MYLK: variants seen among roughly 807,000 people sequenced by gnomAD.
MYLK encodes the protein myosin light chain kinase, smooth muscle.
MYLK carries 106 observed loss-of-function variants against 203.4 expected under a neutral mutation model. The ratio of observed to expected loss-of-function variants is 0.52; its 90% confidence interval spans 0.45 to 0.61. MYLK has a LOEUF of 0.61. Ranked by LOEUF, MYLK falls within the 20% of genes least tolerant of loss-of-function variation. MYLK has a pLI of 0.00. For synonymous variants in MYLK, 867 were observed against 959.5 expected (o/e 0.90, Z 1.78); for missense variants, 2,072 against 2,442.3 (o/e 0.85, Z 3.20).
intron 2 of MYLK, among the ~76,000 whole-genome samples, chr3:123,869,120 T>TA (rs1307253021): frequency 6.6e-6 from 1 of 152,220 alleles, no homozygotes; most frequent in South Asian, 2.1e-4. Context: ...CTAGGAGCTG[T>TA]AGTGCCCTTA....
intron 4 of MYLK, among the ~76,000 whole-genome samples, chr3:123,768,865 G>T (rs1400354597): frequency 6.6e-6 from 1 of 152,180 alleles, no homozygotes; most frequent in Non-Finnish European, 1.5e-5. Flanking sequence ...AGCCAAGCGA[G>T]GAGCAATTCC....
At position 123,611,886 on chromosome 3, in the gene MYLK, G is replaced by A. The variant is rs1379790660; in HGVS notation, c.*2219C>T. 1 of 152,324 alleles carries A rather than the reference G, an allele frequency of 6.6e-6. No individual in the cohort carries two copies. Among genetic ancestry groups the A allele is most frequent in the Admixed American group, 6.5e-5 (1 of 15,268 alleles). 9.4% of individuals were successfully genotyped at this position (152,324 alleles called of 1,614,324 possible). A position where few individuals can be genotyped will look rare whatever the true frequency, so the allele number is the denominator to read the frequency against. On this transcript the variant is annotated 3_prime_UTR_variant, in exon 34 of 34. Coordinates refer to ENST00000360304, the MANE Select transcript of MYLK (RefSeq NM_053025.4). Reference sequence around the variant, plus strand: ...GAGTTCGTTCCTGAGAGAACCTGATGCTGCCGCTGATCTGACAGGAGGCAG... The same window carrying A: ...GAGTTCGTTCCTGAGAGAACCTGATACTGCCGCTGATCTGACAGGAGGCAG...
In MYLK at chr3:123,872,786, T is replaced by C. The variant is rs374628710; in HGVS notation, c.-127+3773A>G. 2.6e-5 allele frequency among the ~76,000 whole-genome samples: 4 copies of C among 152,260 alleles called. No homozygotes were observed. In the South Asian group the frequency reaches 8.3e-4, roughly 32 times the overall value. On this transcript the variant is annotated intron_variant, in intron 2 of 33. Transcript: ENST00000360304. ...CCAAAGCTCTCCAAACCCCTTTGAT[T>C]AGGAGTTTTTATGGAGGTTCCGTTA...
chr3:123,822,819 C>G (rs1420643590), intron 3 of MYLK, among the ~76,000 whole-genome samples: 2 of 152,188 alleles, frequency 1.3e-5, no homozygotes, highest in African/African-American at 4.8e-5. Flanking sequence ...CCCACACCCA[C>G]CCAATACACA....
At chr3:123,881,616 C>G (rs72974262) in intron 1 of MYLK, among the ~76,000 whole-genome samples, 14,745 of 152,024 alleles carry the variant, frequency 0.097, 1,122 homozygotes, top group East Asian at 0.36. Flanking sequence ...GTACCCATGT[C>G]CCCAAGCAAG....
At chr3:123,861,511 T>C (rs997851469) in intron 2 of MYLK, among the ~76,000 whole-genome samples, 4 of 152,264 alleles carry the variant, frequency 2.6e-5, no homozygotes, top group Non-Finnish European at 5.9e-5. Flanking sequence ...GAGAAGGTAC[T>C]GGAGCTGGAG....
chr3:123,645,430 T>C (rs2058981805), intron 27 of MYLK, among the ~76,000 whole-genome samples: 1 of 152,224 alleles, frequency 6.6e-6, no homozygotes, highest in South Asian at 2.1e-4. Context: ...CACTCATATC[T>C]ACAGCTTGGG....
chr3:123,784,890 G>T (rs1473956133), intron 4 of MYLK, among the ~76,000 whole-genome samples: 1 of 152,178 alleles, frequency 6.6e-6, no homozygotes, highest in Non-Finnish European at 1.5e-5. Context: ...TAGAGGACTT[G>T]GTCATAGTCA....
At chr3:123,756,136 T>C (rs2063351499) in intron 4 of MYLK, among the ~76,000 whole-genome samples, 1 of 152,198 alleles carries the variant, frequency 6.6e-6, no homozygotes, top group South Asian at 2.1e-4. Flanking sequence ...TAATTTTGGT[T>C]TCCAGGTTGA....
chr3:123,731,952 T>C (rs916493010), intron 11 of MYLK, among the ~76,000 whole-genome samples: 63 of 151,994 alleles, frequency 4.1e-4, no homozygotes, highest in African/African-American at 1.5e-3. Flanking sequence ...TTGTTGATGT[T>C]ACTATATACC....
At chr3:123,676,998 A>G (rs1265878749) in intron 20 of MYLK, among the ~76,000 whole-genome samples, 1 of 152,208 alleles carries the variant, frequency 6.6e-6, no homozygotes, top group African/African-American at 2.4e-5. Flanking sequence ...TTACACAGCC[A>G]GCATGCTTGT....
At chr3:123,817,727 G>C (rs923378591) in intron 3 of MYLK, among the ~76,000 whole-genome samples, 2 of 152,270 alleles carry the variant, frequency 1.3e-5, no homozygotes. Context: ...CTGATAGCGG[G>C]TAAGGAACCA....
chr3:123,874,675 G>A (rs2033033098), intron 2 of MYLK, among the ~76,000 whole-genome samples: 1 of 152,026 alleles, frequency 6.6e-6, no homozygotes, highest in Admixed American at 6.6e-5. Context: ...GCAGTAACAG[G>A]CATTGTTAAA....
chr3:123,790,644 G>C (rs2064743374), intron 4 of MYLK, among the ~76,000 whole-genome samples: 1 of 152,170 alleles, frequency 6.6e-6, no homozygotes, highest in Non-Finnish European at 1.5e-5. Flanking sequence ...AAAGGAAATG[G>C]GGCAGAGTAG....
intron 4 of MYLK, among the ~76,000 whole-genome samples, chr3:123,789,659 CAAAAAAAA>C (rs745766578): frequency 1.3e-5 from 1 of 78,718 alleles, no homozygotes; most frequent in African/African-American, 4.7e-5. Flanking sequence ...GCTGGCAAAG[CAAAAAAAA>C]AAAAAAAAAA....
At chr3:123,735,610 T>C in intron 8 of MYLK, 194 bp from the exon 9 acceptor site, 1 of 624,418 alleles carries the variant, frequency 1.6e-6, no homozygotes, top group Non-Finnish European at 2.9e-6. Context: ...GTTCTGTCCT[T>C]TGGGCTTCTT....
intron 16 of MYLK, among the ~76,000 whole-genome samples, chr3:123,703,820 G>A (rs576712833): frequency 1.1e-4 from 16 of 152,340 alleles, no homozygotes; most frequent in African/African-American, 3.8e-4. Context: ...TGTTTGCCTG[G>A]CAGCCCTTTC....
intron 2 of MYLK, among the ~76,000 whole-genome samples, chr3:123,832,233 C>CACCAAG (rs1262193487): frequency 1.3e-4 from 20 of 152,228 alleles, no homozygotes; most frequent in Non-Finnish European, 5.9e-5. Flanking sequence ...CCCAGCACCA[C>CACCAAG]ACCAAGGTGG....
intron 13 of MYLK, among the ~76,000 whole-genome samples, chr3:123,712,208 G>T (rs1419934996): frequency 5.9e-5 from 9 of 152,226 alleles, no homozygotes; most frequent in Admixed American, 6.5e-5. Flanking sequence ...GGGCTTGGGG[G>T]CACAGGATTG....
Sources: gnomAD v4.1 joint callset for allele counts (sites outside exome capture counted in the v4.1 genomes callset) on GRCh38, gnomAD v4.1.1 for gene constraint, MANE v1.5 for transcripts, NCBI Gene and HGNC (gene_info 2026-07-23, HGNC 2026-07-21) for gene names.